Variants in BRD4 observed in about 807,000 individuals in gnomAD.
BRD4 encodes bromodomain containing 4.
BRD4 carries 16 observed loss-of-function variants against 142.1 expected under a neutral mutation model. The ratio of observed to expected loss-of-function variants is 0.11; its 90% CI spans 0.08 to 0.17. The LOEUF (loss-of-function observed/expected upper bound fraction) is 0.17, where lower values mean the gene tolerates loss of function less well. BRD4 is among the 10% of genes least tolerant of loss of function. The pLI is 1.00. For synonymous variants in BRD4, 833 were observed against 707.5 expected (o/e 1.18, Z -2.82); for missense variants, 1,424 against 1,810.9 (o/e 0.79, Z 3.88).
intron 1 of BRD4, among the ~76,000 whole-genome samples, chr19:15,318,192 G>A (rs2048032221): frequency 6.6e-6 from 1 of 152,118 alleles, no homozygotes; most frequent in Admixed American, 6.5e-5. Context: ...CAACTGAGCA[G>A]AGAAATGGGA....
At chr19:15,259,104 G>C (rs1289613409) in intron 7 of BRD4, among the ~76,000 whole-genome samples, 1 of 151,998 alleles carries the variant, frequency 6.6e-6, no homozygotes, top group Non-Finnish European at 1.5e-5. Context: ...TGGCAGGTGG[G>C]TAGTGCCCTG....
At chr19:15,254,590 C>T (rs2047385685) in intron 10 of BRD4, among the ~76,000 whole-genome samples, 3 of 152,144 alleles carry the variant, frequency 2.0e-5, no homozygotes, top group African/African-American at 7.2e-5. Flanking sequence ...TTGGATTCTC[C>T]CAGTTACTCT....
At chr19:15,281,346 G>A (rs2045190974) in intron 1 of BRD4, among the ~76,000 whole-genome samples, 1 of 152,224 alleles carries the variant, frequency 6.6e-6, no homozygotes, top group Non-Finnish European at 1.5e-5. Context: ...CTTGCTGCTA[G>A]GGGAGAGTGT....
At chr19:15,311,465 T>C (rs564048613) in intron 1 of BRD4, among the ~76,000 whole-genome samples, 10 of 152,022 alleles carry the variant, frequency 6.6e-5, no homozygotes, top group South Asian at 4.2e-4. Flanking sequence ...TTATTATGCT[T>C]AGTGAAGTAA....
At position 15,244,051 on chromosome 19, in the gene BRD4, T is replaced by C. The variant is rs118035574; in HGVS notation, c.2581+180A>G. Among the ~76,000 whole-genome samples the C allele has an allele frequency of 5.8e-4, 89 of 152,342 alleles. 1 individual carries two copies. Among genetic ancestry groups the C allele is most frequent in the Non-Finnish European group, 6.8e-4 (46 of 68,032 alleles). On this transcript the variant is annotated intron_variant, in intron 13 of 19. Coordinates refer to ENST00000679869, the MANE Select transcript of BRD4 (RefSeq NM_001379291.1). ...ATCAACGTGTTAATAACTCCATGCA[T>C]GACCTGTCTTGAGGCATCTCCTTTA...
intron 4 of BRD4, 55 bp downstream of exon 4, chr19:15,267,361 A>G: frequency 1.9e-6 from 3 of 1,591,362 alleles, no homozygotes; most frequent in Non-Finnish European, 2.6e-6. Flanking sequence ...CCAAACTTGG[A>G]AAAGGGACAA....
intron 1 of BRD4, among the ~76,000 whole-genome samples, chr19:15,315,930 C>G (rs192796898): frequency 6.6e-6 from 1 of 150,618 alleles, no homozygotes; most frequent in Admixed American, 6.6e-5. Context: ...CCGAGGCGGG[C>G]GGATCACGAG....
intron 1 of BRD4, among the ~76,000 whole-genome samples, chr19:15,280,717 C>G (rs1368353970): frequency 6.6e-6 from 1 of 152,156 alleles, no homozygotes; most frequent in Non-Finnish European, 1.5e-5. Flanking sequence ...CTCATGAAAT[C>G]ACAAGTTCAC....
chr19:15,238,928 C>A lies in BRD4; in HGVS notation c.3835G>T (p.Ala1279Ser), dbSNP rs2145498594. Reference protein sequence around the residue: ...LEQARRAHEEARRRQEQQQQQ... With the variant: ...LEQARRAHEESRRRQEQQQQQ... ...TGCTGCTGCTCCTGGCGCCGACGTG[C>A]CTCCTCATGGGCCCGCCGGGCCTGC... Residue 1279 changes from alanine to serine, a missense_variant, in exon 19 of 20, where the codon GCA becomes TCA. By Grantham distance (99) the Ala-to-Ser change is moderately conservative (BLOSUM62 1). Transcript: ENST00000679869. The surrounding 1 kb of genome is among the most constrained non-coding windows in gnomAD (Gnocchi z 7.2). The A allele has an allele frequency of 6.3e-7, 1 of 1,599,440 alleles. No individual in the cohort carries two copies. Among genetic ancestry groups the A allele is most frequent in the Non-Finnish European group, 8.5e-7 (1 of 1,175,184 alleles).
chr19:15,306,363 G>A (rs1196878729), intron 1 of BRD4, among the ~76,000 whole-genome samples: 1 of 152,104 alleles, frequency 6.6e-6, no homozygotes, highest in African/African-American at 2.4e-5. Flanking sequence ...CAACCTCCTA[G>A]GCTCAAGCAA....
At chr19:15,320,964 T>C (rs2048056325) in intron 1 of BRD4, among the ~76,000 whole-genome samples, 1 of 152,236 alleles carries the variant, frequency 6.6e-6, no homozygotes. Flanking sequence ...CCAGGCATAG[T>C]GGCTCACGCC....
At chr19:15,297,848 T>C (rs866852538) in intron 1 of BRD4, among the ~76,000 whole-genome samples, 1 of 152,220 alleles carries the variant, frequency 6.6e-6, no homozygotes, top group African/African-American at 2.4e-5. Context: ...ATAAGGACCA[T>C]GCCCAGGAAA....
chr19:15,238,355 G>C lies in BRD4; in HGVS notation c.*22C>G, dbSNP rs200365284. The stretch of plus-strand genomic sequence containing the variant: ...GTCAATGTTTTGCCAGAAAATCAAA[G>C]TCAGAAGCCACCTAGGTGCGCTCAG... On this transcript the variant is annotated 3_prime_UTR_variant, in exon 20 of 20. Transcript: ENST00000679869. This position sits in a 1 kb window ranked among gnomAD's most constrained non-coding sequence, Gnocchi z 7.2. 2 of 1,613,684 alleles carry C rather than the reference G, an allele frequency of 1.2e-6. No homozygotes were observed. Among genetic ancestry groups the C allele is most frequent in the Non-Finnish European group, 1.7e-6 (2 of 1,179,820 alleles).
intron 7 of BRD4, 83 bp downstream of exon 7, chr19:15,263,337 C>T: frequency 6.7e-7 from 1 of 1,495,632 alleles, no homozygotes. Context: ...GAAAAAAAAA[C>T]TCTGCCAAGG....
At chr19:15,251,449 G>A (rs1271237888) in intron 11 of BRD4, among the ~76,000 whole-genome samples, 1 of 108,742 alleles carries the variant, frequency 9.2e-6, no homozygotes, top group African/African-American at 3.7e-5. Flanking sequence ...GGGGGGGGGG[G>A]GGGGGGCGGG....
intron 1 of BRD4, among the ~76,000 whole-genome samples, chr19:15,325,148 T>C (rs2145005770): frequency 1.3e-5 from 2 of 152,346 alleles, no homozygotes; most frequent in South Asian, 4.1e-4. Context: ...AGCCCTGTGC[T>C]GTGTGTCCTC....
intron 1 of BRD4, among the ~76,000 whole-genome samples, chr19:15,329,772 T>A (rs924469141): frequency 6.6e-6 from 1 of 152,050 alleles, no homozygotes; most frequent in Non-Finnish European, 1.5e-5. Flanking sequence ...CAAAATTCAA[T>A]CTCTTAAATC....
chr19:15,263,829 GA>G (rs1348306331), intron 6 of BRD4, among the ~76,000 whole-genome samples: 1 of 152,212 alleles, frequency 6.6e-6, no homozygotes, highest in Admixed American at 6.5e-5. Flanking sequence ...AGAACTGATG[GA>G]GAGGGCTGGG....
intron 1 of BRD4, among the ~76,000 whole-genome samples, chr19:15,294,258 G>A (rs987216252): frequency 1.6e-4 from 25 of 152,272 alleles, no homozygotes; most frequent in African/African-American, 6.0e-4. Flanking sequence ...TTCTGCAGCT[G>A]TAACTGATAA....
Sources: gnomAD v4.1 joint callset for allele counts (sites outside exome capture counted in the v4.1 genomes callset) on GRCh38, gnomAD v4.1.1 for gene constraint, Gnocchi (gnomAD v3.1) non-coding constraint, MANE v1.5 for transcripts, NCBI Gene and HGNC (gene_info 2026-07-23, HGNC 2026-07-21) for gene names.